Variants in TANGO6 observed in about 807,000 individuals in gnomAD.
TANGO6 encodes the protein transport and Golgi organization protein 6 homolog.
Under a neutral mutation model 114.2 loss-of-function variants are expected in TANGO6, and 90 were observed. The observed-to-expected ratio is 0.79, with a 90% confidence interval of 0.66 to 0.94. TANGO6 has a LOEUF of 0.94. TANGO6 is among the 40% of genes least tolerant of loss of function. The pLI is 0.00. For synonymous variants in TANGO6, 477 were observed against 509.8 expected (o/e 0.94, Z 0.87); for missense variants, 1,274 against 1,315.3 (o/e 0.97, Z 0.49).
chr16:69,027,152 G>A (rs1959515437), intron 16 of TANGO6, among the ~76,000 whole-genome samples: 2 of 152,090 alleles, frequency 1.3e-5, no homozygotes, highest in African/African-American at 4.8e-5. Flanking sequence ...ATGAGCCACC[G>A]CGCCCGGGCC....
At chr16:68,869,261 A>G (rs1443431935) in intron 4 of TANGO6, among the ~76,000 whole-genome samples, 1 of 152,190 alleles carries the variant, frequency 6.6e-6, no homozygotes, top group Non-Finnish European at 1.5e-5. Context: ...AGGCAGGTGG[A>G]TAGTTTGAGC....
At chr16:68,908,985 C>A (rs1418744738) in intron 10 of TANGO6, among the ~76,000 whole-genome samples, 1 of 152,154 alleles carries the variant, frequency 6.6e-6, no homozygotes, top group Admixed American at 6.6e-5. Flanking sequence ...CCATATAAAT[C>A]TAATTCATTT....
chr16:68,964,966 A>G (rs1032992292), intron 14 of TANGO6, among the ~76,000 whole-genome samples: 1 of 152,088 alleles, frequency 6.6e-6, no homozygotes, highest in African/African-American at 2.4e-5. Context: ...AGTCTTTTCT[A>G]TTACGAATAG....
intron 11 of TANGO6, among the ~76,000 whole-genome samples, chr16:68,911,857 G>A (rs1023816548): frequency 2.6e-5 from 4 of 152,178 alleles, no homozygotes; most frequent in African/African-American, 7.2e-5. Context: ...ACAAGGAAGC[G>A]ACCTGAGATG....
At chr16:69,059,393 AG>A (rs1335332335) in intron 17 of TANGO6, among the ~76,000 whole-genome samples, 1 of 147,912 alleles carries the variant, frequency 6.8e-6, no homozygotes, top group African/African-American at 2.5e-5. Context: ...TTTAGTAGAG[AG>A]GGGGTTTCAC....
At chr16:68,884,821 A>G (rs1258555140) in intron 7 of TANGO6, among the ~76,000 whole-genome samples, 2 of 152,228 alleles carry the variant, frequency 1.3e-5, no homozygotes, top group Non-Finnish European at 2.9e-5. Context: ...TTGGTCCCCA[A>G]AAAAGAGGGA....
At chr16:69,061,008 A>G (rs1015695026) in intron 17 of TANGO6, among the ~76,000 whole-genome samples, 6 of 151,926 alleles carry the variant, frequency 3.9e-5, no homozygotes, top group Non-Finnish European at 8.8e-5. Context: ...AACAAAAAAA[A>G]CAAAAAAATA....
At chr16:69,075,859 C>T (rs1470760626) in intron 17 of TANGO6, among the ~76,000 whole-genome samples, 2 of 150,714 alleles carry the variant, frequency 1.3e-5, no homozygotes, top group Non-Finnish European at 3.0e-5. Flanking sequence ...CTCTGCCTCC[C>T]GGGTTCAAGC....
chr16:69,003,150 C>T (rs561786819), intron 15 of TANGO6, among the ~76,000 whole-genome samples: 2 of 152,184 alleles, frequency 1.3e-5, no homozygotes, highest in South Asian at 2.1e-4. Flanking sequence ...AGGTATTTTT[C>T]CAGGTAAAAC....
At chr16:68,893,345 C>A (rs1962654775) in intron 7 of TANGO6, among the ~76,000 whole-genome samples, 1 of 152,170 alleles carries the variant, frequency 6.6e-6, no homozygotes, top group South Asian at 2.1e-4. Context: ...CGGAAATATT[C>A]ATAAATAACT....
intron 8 of TANGO6, among the ~76,000 whole-genome samples, 189 bp downstream of exon 8, chr16:68,900,735 T>G (rs115115542): frequency 6.6e-6 from 1 of 152,218 alleles, no homozygotes; most frequent in African/African-American, 2.4e-5. Flanking sequence ...TCACAGGGCA[T>G]TGGATACAGT....
intron 4 of TANGO6, among the ~76,000 whole-genome samples, chr16:68,874,614 A>G (rs1448379050): frequency 6.6e-6 from 1 of 152,178 alleles, no homozygotes; most frequent in Non-Finnish European, 1.5e-5. Flanking sequence ...ATAGTGACTA[A>G]GTGCTAGTTT....
At chr16:68,954,499 G>A (rs1171026510) in intron 14 of TANGO6, among the ~76,000 whole-genome samples, 1 of 151,402 alleles carries the variant, frequency 6.6e-6, no homozygotes, top group Non-Finnish European at 1.5e-5. Context: ...GAAAAACAAA[G>A]TTCTGCTGCT....
chr16:68,891,106 A>C (rs755948034), intron 7 of TANGO6, among the ~76,000 whole-genome samples: 4 of 151,824 alleles, frequency 2.6e-5, no homozygotes, highest in Non-Finnish European at 5.9e-5. Flanking sequence ...AGCCTGGCCA[A>C]CGTGGTGAAA....
At chr16:69,024,134 T>C (rs1001255183) in intron 16 of TANGO6, among the ~76,000 whole-genome samples, 12 of 152,132 alleles carry the variant, frequency 7.9e-5, no homozygotes, top group African/African-American at 2.9e-4. Context: ...ACTCCTGACC[T>C]CAGGTGATCC....
intron 17 of TANGO6, among the ~76,000 whole-genome samples, chr16:69,072,065 GTGT>G (rs1356246197): frequency 4.3e-5 from 6 of 140,248 alleles, no homozygotes; most frequent in African/African-American, 1.7e-4. Context: ...GTGTGTGTGT[GTGT>G]AGAGAGAGGG....
At chr16:68,914,958 TACAC>T (rs3061679) in intron 11 of TANGO6, among the ~76,000 whole-genome samples, 5,384 of 135,218 alleles carry the variant, frequency 0.04, 109 homozygotes, top group African/African-American at 0.047. Flanking sequence ...TTTTGATATC[TACAC>T]ACACACACAC....
At position 68,863,024 on chromosome 16, in the gene TANGO6, T is replaced by A; in HGVS notation, c.815T>A (p.Val272Asp). The A allele has an allele frequency of 1.3e-6, 2 of 1,593,162 alleles. No homozygotes were observed. Among genetic ancestry groups the A allele is most frequent in the South Asian group, 2.3e-5 (2 of 87,112 alleles). ...GATCAAGTCTATCAGCCCTTAGCAG[T>A]CCGGGAACTGCTTATCCTCCAGGGA... Reference protein sequence around the residue: ...MLDQVYQPLAVRELLILQGGP... With the variant: ...MLDQVYQPLADRELLILQGGP... The change falls in exon 3 of 18, where the codon GTC becomes GAC. Residue 272 changes from valine to aspartate, a missense_variant. Val to Asp is a radical substitution (Grantham distance 152, BLOSUM62 -3). Transcript: ENST00000261778.
chr16:68,855,438 C>T (rs192269277), intron 1 of TANGO6, among the ~76,000 whole-genome samples: 25 of 150,466 alleles, frequency 1.7e-4, no homozygotes, highest in Admixed American at 2.7e-4. Context: ...AGAGATCACC[C>T]GGGTGTGGTG....
Sources: gnomAD v4.1 joint callset for allele counts (sites outside exome capture counted in the v4.1 genomes callset) on GRCh38, gnomAD v4.1.1 for gene constraint, MANE v1.5 for transcripts, NCBI Gene and HGNC (gene_info 2026-07-23, HGNC 2026-07-21) for gene names.